The following PEAK1 variants were observed in gnomAD, a reference collection of about 807,000 sequenced individuals.
The protein encoded by PEAK1 is pseudopodium enriched atypical kinase 1.
PEAK1 carries 54 observed loss-of-function variants against 124.7 expected under a neutral mutation model. That is an observed-to-expected ratio of 0.43 (90% CI 0.35 to 0.54). The LOEUF (loss-of-function observed/expected upper bound fraction) is 0.54, where lower values mean the gene tolerates loss of function less well. PEAK1 is among the 20% of genes least tolerant of loss of function. The pLI, the probability that PEAK1 is intolerant of heterozygous loss-of-function variation, is 0.01. For missense variants in PEAK1, 2,046 were observed against 2,134.5 expected, an observed-to-expected ratio of 0.96 and a Z score of 0.82; for synonymous variants, 719 against 760.0, an observed-to-expected ratio of 0.95 and a Z score of 0.89.
At chr15:77,351,674 G>A (rs1324876153) in intron 2 of PEAK1, 10 of 932,344 alleles carry the variant, frequency 1.1e-5, no homozygotes, top group African/African-American at 7.2e-5. Flanking sequence ...TTGTTTGTGC[G>A]TTTTGTCCAA....
chr15:77,280,869 T>G (rs986313647), intron 5 of PEAK1, among the ~76,000 whole-genome samples: 1 of 152,162 alleles, frequency 6.6e-6, no homozygotes, highest in Admixed American at 6.5e-5. Flanking sequence ...ACAAGATTTC[T>G]ATTTCCTGGC....
chr15:77,268,669 T>C (rs2061866648), intron 5 of PEAK1, among the ~76,000 whole-genome samples: 1 of 151,210 alleles, frequency 6.6e-6, no homozygotes, highest in South Asian at 2.1e-4. Flanking sequence ...AAAGAACTCC[T>C]GGGAAATTCA....
intron 8 of PEAK1, among the ~76,000 whole-genome samples, chr15:77,153,470 G>C (rs2054841767): frequency 6.6e-6 from 1 of 151,992 alleles, no homozygotes; most frequent in Non-Finnish European, 1.5e-5. Context: ...AGGGTTTTTT[G>C]TGTCTCTATT....
chr15:77,192,887 T>C (rs2057911192), intron 6 of PEAK1, among the ~76,000 whole-genome samples: 1 of 151,904 alleles, frequency 6.6e-6, no homozygotes, highest in Non-Finnish European at 1.5e-5. Flanking sequence ...AAAATAAAAA[T>C]ATGCAAAAAG....
chr15:77,300,027 A>T (rs1043741799), intron 2 of PEAK1, among the ~76,000 whole-genome samples: 2 of 152,138 alleles, frequency 1.3e-5, no homozygotes, highest in African/African-American at 4.8e-5. Context: ...TTCGAGCTCT[A>T]CTTTACTTTC....
In PEAK1 at chr15:77,131,304, C is replaced by A. The variant is rs1337060963; in HGVS notation, c.4077+1701G>T. 5.3e-5 allele frequency among the ~76,000 whole-genome samples: 8 copies of A among 152,158 alleles called. No homozygotes were observed. In the South Asian group the frequency reaches 1.2e-3, roughly 24 times the overall value. On this transcript the variant is annotated intron_variant, in intron 9 of 9. Transcript: ENST00000682557. ...AGGTCAAGAGATTGAGACCATCTGG[C>A]CAACACGGTGAAACCCCGTGTCTAC...
intron 2 of PEAK1, among the ~76,000 whole-genome samples, chr15:77,327,604 G>C (rs1287031718): frequency 2.0e-5 from 3 of 151,818 alleles, no homozygotes; most frequent in African/African-American, 7.3e-5. Flanking sequence ...AATATACTAA[G>C]ACCTAATCTT....
chr15:77,180,266 C>T lies in PEAK1; in HGVS notation c.1661G>A (p.Gly554Glu), dbSNP rs1475292560. 1.9e-6 allele frequency: 3 copies of T among 1,614,002 alleles called. No homozygotes were observed. Among genetic ancestry groups the T allele is most frequent in the Non-Finnish European group, 2.5e-6 (3 of 1,180,018 alleles). ...CCTTGGAGGAACATTTGGTCCAGTTCCACTAGTAATTAGTTCTACTTTAGG... is the reference window on the plus strand; with the variant it reads ...CCTTGGAGGAACATTTGGTCCAGTTTCACTAGTAATTAGTTCTACTTTAGG... ...KIPKVELITS[G>E]TGPNVPPRKN... Residue 554 changes from glycine (G) to glutamate (E), a missense_variant, in exon 7 of 10, where the codon GGA becomes GAA. Physicochemically the swap from Gly to Glu is moderately conservative, Grantham distance 98. Coordinates refer to ENST00000682557, the MANE Select transcript of PEAK1 (RefSeq NM_001385026.1).
chr15:77,377,224 T>C (rs1375502344), intron 1 of PEAK1, among the ~76,000 whole-genome samples: 1 of 151,974 alleles, frequency 6.6e-6, no homozygotes. Flanking sequence ...TCTACAAAAA[T>C]GTTTTAAAAA....
At position 77,335,335 on chromosome 15, in the gene PEAK1, T is replaced by A. The variant is rs1025785639; in HGVS notation, c.-603+29828A>T. On this transcript the variant is annotated intron_variant, in intron 2 of 9. Coordinates refer to ENST00000682557, the MANE Select transcript of PEAK1 (RefSeq NM_001385026.1). The stretch of plus-strand genomic sequence containing the variant: ...AGTGGCATTAAGCTCTAGCTTCTAA[T>A]ACACATGCAGTGTTTTTCCCATTCA... 50 of 985,322 alleles carry A rather than the reference T, an allele frequency of 5.1e-5. No homozygotes were observed. The African/African-American group carries it at 8.2e-4, about 16-fold the overall frequency. 61.0% of individuals were successfully genotyped at this position (985,322 alleles called of 1,614,324 possible).
At chr15:77,215,332 T>C (rs55881066) in intron 6 of PEAK1, among the ~76,000 whole-genome samples, 33,973 of 150,850 alleles carry the variant, frequency 0.23, 4,238 homozygotes, top group Middle Eastern at 0.29. Context: ...AGTTTGTGGA[T>C]TGCCTTTTTA....
At chr15:77,247,485 C>CTT (rs398028029) in intron 6 of PEAK1, among the ~76,000 whole-genome samples, 19,758 of 84,466 alleles carry the variant, frequency 0.23, 3,604 homozygotes, top group Non-Finnish European at 0.29. Flanking sequence ...CTTTTCTTTT[C>CTT]TTTTTTTTTT....
intron 2 of PEAK1, among the ~76,000 whole-genome samples, chr15:77,312,119 G>C (rs2064508256): frequency 6.6e-6 from 1 of 152,000 alleles, no homozygotes; most frequent in Admixed American, 6.6e-5. Context: ...ACAGGGCGTG[G>C]GGAGTTAGAG....
At chr15:77,204,659 C>G (rs1441472352) in intron 6 of PEAK1, 2 of 152,582 alleles carry the variant, frequency 1.3e-5, no homozygotes, top group Non-Finnish European at 2.9e-5. Flanking sequence ...AATCCCAGCA[C>G]TTTGGGAGGC....
intron 5 of PEAK1, among the ~76,000 whole-genome samples, chr15:77,261,235 G>A (rs1052925929): frequency 6.6e-6 from 1 of 152,230 alleles, no homozygotes; most frequent in Non-Finnish European, 1.5e-5. Flanking sequence ...CCAAAGGAAT[G>A]CAGCTCCTCA....
At chr15:77,217,884 C>T (rs559808490) in intron 6 of PEAK1, among the ~76,000 whole-genome samples, 2 of 152,152 alleles carry the variant, frequency 1.3e-5, no homozygotes, top group Admixed American at 6.5e-5. Flanking sequence ...TTTGATGCTA[C>T]TGTAAATGGA....
At chr15:77,134,380 A>C (rs1265019262) in intron 8 of PEAK1, among the ~76,000 whole-genome samples, 1 of 152,228 alleles carries the variant, frequency 6.6e-6, no homozygotes, top group African/African-American at 2.4e-5. Flanking sequence ...TGGTCTACGT[A>C]AAAGATTCCT....
rs1039024720 is a variant in PEAK1, at chr15:77,179,260, A to G, written c.2667T>C (p.His889=). ...TGGTTGGCTTGGTCCAGTTGGTGAA[A>G]TGCCTCTGCAAAAGGTTACCTGCAT... The part of the protein sequence containing the change: ...PYHAGNLLQR[H]FTNWTKPTSP... Residue 889 remains histidine, a synonymous_variant, in exon 7 of 10, where the codon CAT becomes CAC. Transcript: ENST00000682557. The G allele has an allele frequency of 6.2e-7, 1 of 1,614,132 alleles. No homozygotes were observed. The highest frequency in any genetic ancestry group is 1.7e-5 in the Admixed American group (1 of 60,002).
At chr15:77,269,259 C>T (rs2061901162) in intron 5 of PEAK1, among the ~76,000 whole-genome samples, 1 of 152,158 alleles carries the variant, frequency 6.6e-6, no homozygotes, top group African/African-American at 2.4e-5. Context: ...TAAGTATCTG[C>T]TGTCTTCAAG....
Sources: gnomAD v4.1 joint callset for allele counts (sites outside exome capture counted in the v4.1 genomes callset) on GRCh38, gnomAD v4.1.1 for gene constraint, MANE v1.5 for transcripts, NCBI Gene and HGNC (gene_info 2026-07-23, HGNC 2026-07-21) for gene names.